The following TBC1D22A variants were observed in gnomAD, a reference collection of about 807,000 sequenced individuals.
TBC1D22A encodes TBC1 domain family member 22A.
Under a neutral mutation model 60.2 loss-of-function variants are expected in TBC1D22A, and 38 were observed. That is an observed-to-expected ratio of 0.63 (90% confidence interval 0.49 to 0.83). The LOEUF (loss-of-function observed/expected upper bound fraction) is 0.83. Ranked by LOEUF, TBC1D22A falls within the 40% of genes least tolerant of loss-of-function variation. The pLI is 0.00. For synonymous variants in TBC1D22A, 302 were observed against 281.7 expected (o/e 1.07, Z -0.72); for missense variants, 628 against 701.0 (o/e 0.90, Z 1.18).
At chr22:46,812,225 G>T (rs756611108) in intron 4 of TBC1D22A, among the ~76,000 whole-genome samples, 1 of 152,166 alleles carries the variant, frequency 6.6e-6, no homozygotes, top group Non-Finnish European at 1.5e-5. Flanking sequence ...TGGCTGTTTG[G>T]AACTCCCTCA....
Position 47,124,309 on chromosome 22 carries a change from C to A in TBC1D22A, c.1425+12706C>A, listed in dbSNP as rs575746915. Among the ~76,000 whole-genome samples, 368 of 152,288 alleles carry A rather than the reference C, an allele frequency of 2.4e-3. 1 individual carries two copies. The highest frequency in any genetic ancestry group is 4.2e-3 in the Non-Finnish European group (285 of 68,010). On this transcript the variant is annotated intron_variant, in intron 12 of 12. Transcript: ENST00000337137. ...GGCGCCGTGGGAGCTGGGACCTGGG[C>A]TCAGCTGTGAGGAGGGAGCAGAGCT...
intron 10 of TBC1D22A, among the ~76,000 whole-genome samples, chr22:47,003,722 ACACT>A (rs1026081123): frequency 2.1e-4 from 29 of 136,692 alleles, no homozygotes; most frequent in East Asian, 4.8e-4. Flanking sequence ...CTGTATACAC[ACACT>A]CTACACACAC....
At position 47,090,051 on chromosome 22, in the gene TBC1D22A, G is replaced by A. The variant is rs116854081; in HGVS notation, c.1330-21457G>A. On this transcript the variant is annotated intron_variant, in intron 11 of 12. Coordinates refer to ENST00000337137, the MANE Select transcript of TBC1D22A (RefSeq NM_014346.5). ...TGTCTGTATCATTTCCCCGGGCCCC[G>A]CCGTGCGCAGCGGTCCCGTGCTAGG... Among the ~76,000 whole-genome samples the A allele has an allele frequency of 5.6e-3, 854 of 152,214 alleles. 9 individuals carry two copies. The highest frequency in any genetic ancestry group is 0.039 in the East Asian group (203 of 5,164).
intron 4 of TBC1D22A, among the ~76,000 whole-genome samples, chr22:46,848,910 T>C (rs2147266806): frequency 6.6e-6 from 1 of 151,520 alleles, no homozygotes; most frequent in Admixed American, 6.6e-5. Flanking sequence ...TTTAAACTCC[T>C]ATGACATTTC....
At chr22:46,887,632 C>T (rs767709100) in intron 5 of TBC1D22A, among the ~76,000 whole-genome samples, 124 of 152,100 alleles carry the variant, frequency 8.2e-4, no homozygotes, top group Non-Finnish European at 1.3e-3. Context: ...AAGTGTAACA[C>T]TGAATGAAAG....
intron 8 of TBC1D22A, chr22:46,913,780 T>G (rs548332617): frequency 2.0e-6 from 2 of 984,788 alleles, no homozygotes; most frequent in South Asian, 9.4e-5. Context: ...GTAAATAAGT[T>G]TGTTTTAACT....
At chr22:47,120,221 A>T (rs947253982) in intron 12 of TBC1D22A, among the ~76,000 whole-genome samples, 1 of 152,220 alleles carries the variant, frequency 6.6e-6, no homozygotes, top group Non-Finnish European at 1.5e-5. Context: ...ATGAAAAGAA[A>T]AAAACTTCTG....
chr22:46,941,348 T>TATATACAGAATATATATAC (rs1569247702), intron 8 of TBC1D22A, among the ~76,000 whole-genome samples: 52 of 93,494 alleles, frequency 5.6e-4, no homozygotes, highest in African/African-American at 2.3e-3. Context: ...TATATATATA[T>TATATACAGAATATATATAC]AGAATATATA....
rs557007634 is a variant in TBC1D22A at position 46,878,145 on chromosome 22, G to A, written c.638-508G>A. On this transcript the variant is annotated intron_variant, in intron 4 of 12. Transcript: ENST00000337137. ...GGTGTATAAAGACAAGCTTATCTCC[G>A]TGAAACAATTTCTTTCAAAACCAGT... Among the ~76,000 whole-genome samples the A allele has an allele frequency of 5.9e-5, 9 of 151,844 alleles. No individual in the cohort carries two copies. In the East Asian group the frequency reaches 1.4e-3, roughly 23 times the overall value.
Position 46,762,823 on chromosome 22 carries a change from C to T in TBC1D22A, c.37C>T (p.Arg13Cys), listed in dbSNP as rs972577646. The change falls in exon 1 of 13, where the codon CGC becomes TGC. Residue 13 changes from arginine (R) to cysteine (C), a missense_variant. Arg to Cys is a radical substitution (Grantham distance 180, BLOSUM62 -3). Coordinates refer to ENST00000337137, the MANE Select transcript of TBC1D22A (RefSeq NM_014346.5). ...CGGGGCCAGGAAGCAATTCTGGAAG[C>T]GCAGCAACAGCAAGCTCCCGGGCAG... ...SDGARKQFWK[R>C]SNSKLPGSIQ... The T allele has an allele frequency of 6.9e-7, 1 of 1,458,942 alleles. No individual in the cohort carries two copies. Among genetic ancestry groups the T allele is most frequent in the Non-Finnish European group, 9.0e-7 (1 of 1,112,886 alleles). 90.4% of individuals were successfully genotyped at this position (1,458,942 alleles called of 1,614,324 possible).
At chr22:46,812,200 C>T (rs1569073855) in intron 4 of TBC1D22A, among the ~76,000 whole-genome samples, 1 of 152,162 alleles carries the variant, frequency 6.6e-6, no homozygotes, top group Non-Finnish European at 1.5e-5. Context: ...GGTGAATTAG[C>T]TGTGCTCTGA....
intron 4 of TBC1D22A, among the ~76,000 whole-genome samples, chr22:46,802,649 C>G (rs779188691): frequency 1.4e-4 from 22 of 152,118 alleles, no homozygotes; most frequent in Admixed American, 1.4e-3. Flanking sequence ...GGTTTTGAAC[C>G]GGGGGAGTAA....
intron 4 of TBC1D22A, among the ~76,000 whole-genome samples, chr22:46,860,755 C>T (rs373389463): frequency 6.6e-6 from 1 of 152,226 alleles, no homozygotes; most frequent in Non-Finnish European, 1.5e-5. Flanking sequence ...TCTGGGACCA[C>T]TGAGGAGATC....
At chr22:46,858,911 CAAA>C (rs1467362991) in intron 4 of TBC1D22A, among the ~76,000 whole-genome samples, 2 of 152,146 alleles carry the variant, frequency 1.3e-5, no homozygotes, top group Non-Finnish European at 2.9e-5. Flanking sequence ...TCAAACAAAA[CAAA>C]AATGATGAGA....
At position 47,156,053 on chromosome 22, in the gene TBC1D22A, T is replaced by C. The variant is rs112073793; in HGVS notation, c.1426-17445T>C. ...CCTCCCACTCAGCCCCTCCCCCTGC[T>C]GGTGAGCCCCCTCCCCACGTGGAGT... On this transcript the variant is annotated intron_variant, in intron 12 of 12. Transcript: ENST00000337137. Among the ~76,000 whole-genome samples the C allele has an allele frequency of 2.5e-3, 380 of 152,196 alleles. 1 individual carries two copies. Among genetic ancestry groups the C allele is most frequent in the Middle Eastern group, 0.014 (4 of 292 alleles).
intron 3 of TBC1D22A, among the ~76,000 whole-genome samples, chr22:46,794,758 G>A (rs2084577847): frequency 6.6e-6 from 1 of 151,954 alleles, no homozygotes; most frequent in African/African-American, 2.4e-5. Flanking sequence ...GGGAGCAGGT[G>A]TCATCTGAAA....
rs374901083 is a variant in TBC1D22A, at chr22:46,834,914, A to G, written c.637+37294A>G. Among the ~76,000 whole-genome samples the G allele has an allele frequency of 2.6e-5, 4 of 152,276 alleles. No individual in the cohort carries two copies. The South Asian group carries it at 8.3e-4, about 32-fold the overall frequency. On this transcript the variant is annotated intron_variant, in intron 4 of 12. Transcript: ENST00000337137. ...CACAGACAGCTGGCTTGACTTTCCT[A>G]TATTGAGAGAAAGAACTTAACCTTA...
intron 11 of TBC1D22A, among the ~76,000 whole-genome samples, chr22:47,077,376 C>T (rs970404354): frequency 6.6e-6 from 1 of 152,210 alleles, no homozygotes; most frequent in South Asian, 2.1e-4. Flanking sequence ...TTACTTGTGG[C>T]TAAGGGCAGT....
chr22:46,964,086 C>T lies in TBC1D22A; in HGVS notation c.1016-10204C>T, dbSNP rs553305569. Among the ~76,000 whole-genome samples, 93 of 152,310 alleles carry T rather than the reference C, an allele frequency of 6.1e-4. 5 individuals are homozygous for T. In the South Asian group the frequency reaches 0.018, roughly 29 times the overall value. On this transcript the variant is annotated intron_variant, in intron 8 of 12. Transcript: ENST00000337137. ...CCTGCCCCTCCTTGGCTGCCAGCGG[C>T]GTCTGTTTGATTTTCTGGCAGGTGC...
Sources: allele counts gnomAD v4.1 joint callset (sites outside exome capture counted in the v4.1 genomes callset), GRCh38; gene constraint gnomAD v4.1.1; transcripts MANE v1.5; gene names NCBI Gene and HGNC (gene_info 2026-07-23, HGNC 2026-07-21).